The following EP300 variants were observed in gnomAD, a reference collection of about 807,000 sequenced individuals.
EP300 encodes the protein EP300 lysine acetyltransferase, also known as histone acetyltransferase p300.
In EP300, 31 loss-of-function variants were observed where a neutral mutation model predicts 264.0. The ratio of observed to expected loss-of-function variants is 0.12; its 90% CI spans 0.09 to 0.16. The LOEUF is 0.16. EP300 is among the 10% of genes least tolerant of loss of function. EP300 has a pLI of 1.00. For missense variants in EP300, 2,766 were observed against 3,052.9 expected, an observed-to-expected ratio of 0.91 and a Z score of 2.21; for synonymous variants, 1,340 against 1,045.4, an observed-to-expected ratio of 1.28 and a Z score of -5.44.
chr22:41,146,885 C>A, intron 11 of EP300, 69 bp downstream of exon 11: 1 of 1,329,826 alleles, frequency 7.5e-7, no homozygotes, highest in Non-Finnish European at 1.1e-6. Context: ...TACTTGCTAC[C>A]TGAACACCCG....
chr22:41,127,769 A>G (rs1364461001), intron 4 of EP300, 21 bp downstream of exon 4: 1 of 1,613,938 alleles, frequency 6.2e-7, no homozygotes, highest in Non-Finnish European at 8.5e-7. Flanking sequence ...CCACAGGGTT[A>G]CTGTACTTAG....
intron 19 of EP300, 191 bp downstream of exon 19, chr22:41,158,691 C>T (rs2059091242): frequency 3.5e-6 from 2 of 579,280 alleles, no homozygotes; most frequent in Non-Finnish European, 6.3e-6. Context: ...AGTAGCCTTG[C>T]ATCAGTTACC....
Position 41,144,649 on chromosome 22 carries a change from G to A in EP300, c.2054-2090G>A, listed in dbSNP as rs1569856. ...TGAAATTACAGGTGTGACCCACTGC[G>A]CCCAGCCTTTAAATATTTATCTTAA... On this transcript the variant is annotated intron_variant, in intron 10 of 30. Coordinates refer to ENST00000263253, the MANE Select transcript of EP300 (RefSeq NM_001429.4). Among the ~76,000 whole-genome samples the A allele has an allele frequency of 1.9e-3, 294 of 152,040 alleles. 11 individuals carry two copies. The East Asian group carries it at 0.039, about 20-fold the overall frequency.
At chr22:41,106,572 C>T (rs1251839146) in intron 1 of EP300, among the ~76,000 whole-genome samples, 1 of 152,144 alleles carries the variant, frequency 6.6e-6, no homozygotes, top group African/African-American at 2.4e-5. Context: ...GTGGACTCAA[C>T]CACTGGGTTA....
chr22:41,119,175 ATT>A (rs1159365617), intron 2 of EP300, among the ~76,000 whole-genome samples: 1 of 112,996 alleles, frequency 8.8e-6, no homozygotes, highest in African/African-American at 4.0e-5. Flanking sequence ...GCTTATTATT[ATT>A]TTTTTTTTTT....
intron 2 of EP300, among the ~76,000 whole-genome samples, chr22:41,122,705 C>G (rs1569093409): frequency 6.6e-6 from 1 of 150,510 alleles, no homozygotes; most frequent in African/African-American, 2.4e-5. Flanking sequence ...ACTGCTGAAC[C>G]AAAAAAGATG....
intron 3 of EP300, among the ~76,000 whole-genome samples, chr22:41,127,117 G>A (rs929101151): frequency 9.2e-5 from 14 of 151,974 alleles, no homozygotes; most frequent in Non-Finnish European, 1.5e-4. Context: ...TCACCAACCC[G>A]AAAGACCCCT....
chr22:41,159,559 C>T (rs1198781217), intron 19 of EP300: 2 of 152,182 alleles, frequency 1.3e-5, no homozygotes, highest in Non-Finnish European at 2.9e-5. Flanking sequence ...AAGTGTTTAT[C>T]TTTGCACCAA....
chr22:41,170,760 C>A (rs1305257624), intron 27 of EP300, among the ~76,000 whole-genome samples, 189 bp downstream of exon 27: 1 of 138,728 alleles, frequency 7.2e-6, no homozygotes, highest in Non-Finnish European at 1.5e-5. Context: ...CTCCTGGGTT[C>A]ATGCCATTCT....
intron 10 of EP300, among the ~76,000 whole-genome samples, chr22:41,145,027 A>C (rs1378818166): frequency 1.3e-5 from 2 of 152,220 alleles, no homozygotes; most frequent in African/African-American, 2.4e-5. Context: ...ACCATTCTCT[A>C]TTGTTTTGGG....
intron 10 of EP300, among the ~76,000 whole-genome samples, chr22:41,142,527 A>C (rs1379099045): frequency 6.6e-6 from 1 of 152,190 alleles, no homozygotes; most frequent in Non-Finnish European, 1.5e-5. Flanking sequence ...GGAATGAAAA[A>C]GTCAAGATTA....
chr22:41,164,490 T>C (rs1483482490), intron 22 of EP300, among the ~76,000 whole-genome samples: 6 of 152,158 alleles, frequency 3.9e-5, no homozygotes, highest in Non-Finnish European at 5.9e-5. Context: ...GGCGGGCGGA[T>C]CACCTGAGGA....
intron 20 of EP300, among the ~76,000 whole-genome samples, chr22:41,161,959 G>A (rs1182244246): frequency 2.2e-4 from 34 of 152,344 alleles, no homozygotes; most frequent in Non-Finnish European, 2.9e-5. Flanking sequence ...AAGTTTCCTT[G>A]ATGCAGGAAG....
chr22:41,095,272 T>C (rs5751040), intron 1 of EP300, among the ~76,000 whole-genome samples: 89,829 of 139,058 alleles, frequency 0.65, 29,570 homozygotes, highest in East Asian at 0.82. Flanking sequence ...TGGAGTCTCA[T>C]TCTGTCACCC....
intron 2 of EP300, among the ~76,000 whole-genome samples, chr22:41,118,564 T>A (rs2058834004): frequency 6.6e-6 from 1 of 152,220 alleles, no homozygotes; most frequent in Non-Finnish European, 1.5e-5. Context: ...ATGGCTTCAC[T>A]TCGAAGATGA....
chr22:41,155,239 T>C lies in EP300; in HGVS notation c.3261+126T>C, dbSNP rs540353060. ...TTGTAATTCAGTGATTTTTTTTTTT[T>C]CCCCCTGAGACAGGGTCTTATTCTG... On this transcript the variant is annotated intron_variant, in intron 17 of 30. Transcript: ENST00000263253. The C allele has an allele frequency of 1.6e-3, 1,304 of 818,690 alleles. 8 individuals carry two copies. The highest frequency in any genetic ancestry group is 2.1e-3 in the Non-Finnish European group (1,050 of 490,044). The allele number at this position is 818,690 out of a possible 1,614,324, so 50.7% of individuals were successfully genotyped here. A position where few individuals can be genotyped will look rare whatever the true frequency, so the allele number is the denominator to read the frequency against.
At chr22:41,151,617 A>G (rs2145739473) in intron 14 of EP300, among the ~76,000 whole-genome samples, 1 of 152,350 alleles carries the variant, frequency 6.6e-6, no homozygotes, top group Middle Eastern at 3.4e-3. Context: ...TCTTTGATGT[A>G]CAATCAGCCA....
chr22:41,147,896 C>T lies in EP300; in HGVS notation c.2191C>T (p.Pro731Ser), dbSNP rs1290732977. Residue 731 changes from proline to serine, a missense_variant, in exon 12 of 31, where the codon CCT (proline) becomes TCT (serine). Coordinates refer to ENST00000263253, the MANE Select transcript of EP300 (RefSeq NM_001429.4). ...AQPPIVPRQT[P>S]PLQHHGQLAQ... ...GCCCCCTATTGTACCCCGGCAAACC[C>T]CTCCTCTTCAGCACCATGGACAGTT... is the stretch of plus-strand genomic sequence containing the variant. The T allele has an allele frequency of 6.2e-7, 1 of 1,613,958 alleles. No individual in the cohort carries two copies. Among genetic ancestry groups the T allele is most frequent in the Admixed American group, 1.7e-5 (1 of 59,978 alleles).
At chr22:41,146,877 C>T (rs2059013903) in intron 11 of EP300, 61 bp downstream of exon 11, 2 of 1,423,928 alleles carry the variant, frequency 1.4e-6, no homozygotes, top group African/African-American at 2.9e-5. Flanking sequence ...CAAGATAATA[C>T]TTGCTACCTG....
Sources: allele counts gnomAD v4.1 joint callset (sites outside exome capture counted in the v4.1 genomes callset), GRCh38; gene constraint gnomAD v4.1.1; transcripts MANE v1.5; gene names NCBI Gene and HGNC (gene_info 2026-07-23, HGNC 2026-07-21).